Variants in SYN3 observed in about 807,000 individuals in gnomAD.
SYN3 encodes synapsin-3.
SYN3 carries 35 observed loss-of-function variants against 65.8 expected under a neutral mutation model. That is an observed-to-expected ratio of 0.53 (90% CI 0.41 to 0.70). The LOEUF is 0.70. Among genes scored for constraint, SYN3 ranks in the 30% least tolerant of loss-of-function variants. The pLI is 0.00. For missense variants in SYN3, 680 were observed against 749.0 expected, an observed-to-expected ratio of 0.91 and a Z score of 1.08; for synonymous variants, 270 against 292.9, an observed-to-expected ratio of 0.92 and a Z score of 0.80.
intron 6 of SYN3, among the ~76,000 whole-genome samples, chr22:32,840,242 T>G (rs2047855264): frequency 6.6e-6 from 1 of 152,202 alleles, no homozygotes; most frequent in Non-Finnish European, 1.5e-5. Flanking sequence ...CAAAAAAACC[T>G]GCTTAAATAA....
chr22:32,598,928 T>C (rs1486762391), intron 6 of SYN3, among the ~76,000 whole-genome samples: 4 of 152,120 alleles, frequency 2.6e-5, no homozygotes, highest in African/African-American at 9.7e-5. Flanking sequence ...CTTTGCAAAA[T>C]ATGATAAGAT....
At chr22:32,599,556 C>CAG (rs2059251863) in intron 6 of SYN3, among the ~76,000 whole-genome samples, 1 of 151,896 alleles carries the variant, frequency 6.6e-6, no homozygotes, top group African/African-American at 2.4e-5. Context: ...CTCCTGACCT[C>CAG]GTGATCCGCC....
intron 4 of SYN3, among the ~76,000 whole-genome samples, chr22:32,923,184 G>A (rs2050379742): frequency 6.6e-6 from 1 of 152,172 alleles, no homozygotes; most frequent in African/African-American, 2.4e-5. Context: ...GTGGCTGCTG[G>A]CATCAGTCTT....
chr22:32,958,928 C>CATTG (rs2051552763), intron 3 of SYN3, among the ~76,000 whole-genome samples: 3 of 152,124 alleles, frequency 2.0e-5, no homozygotes, highest in Admixed American at 1.3e-4. Context: ...CACAGTGGCT[C>CATTG]ACCCCTATAA....
chr22:32,923,913 C>T (rs911648145), intron 4 of SYN3, among the ~76,000 whole-genome samples: 2 of 152,158 alleles, frequency 1.3e-5, no homozygotes, highest in African/African-American at 4.8e-5. Context: ...CATCATTTAG[C>T]TCCCACTTAT....
At chr22:32,707,765 C>T (rs1048940807) in intron 6 of SYN3, among the ~76,000 whole-genome samples, 1 of 152,150 alleles carries the variant, frequency 6.6e-6, no homozygotes, top group Admixed American at 6.5e-5. Context: ...CTAGACAATG[C>T]CTTAAGCCCT....
chr22:32,561,744 G>C (rs540586386), intron 7 of SYN3, among the ~76,000 whole-genome samples: 1 of 152,136 alleles, frequency 6.6e-6, no homozygotes, highest in African/African-American at 2.4e-5. Flanking sequence ...TGTTTCCCAC[G>C]AAGAGCATGG....
intron 1 of SYN3, among the ~76,000 whole-genome samples, chr22:33,037,013 T>C (rs567764244): frequency 1.3e-4 from 20 of 152,284 alleles, no homozygotes; most frequent in Non-Finnish European, 8.8e-5. Flanking sequence ...CAATCACCCC[T>C]TTGAGTTACT....
rs187648205 is a variant in SYN3, at chr22:32,573,894, C to T, written c.774+22780G>A. Among the ~76,000 whole-genome samples, 505 of 150,750 alleles carry T rather than the reference C, an allele frequency of 3.3e-3. 1 individual carries two copies. Among genetic ancestry groups the T allele is most frequent in the African/African-American group, 0.012 (484 of 41,018 alleles). On this transcript the variant is annotated intron_variant, in intron 7 of 13. Coordinates refer to ENST00000358763, the MANE Select transcript of SYN3 (RefSeq NM_003490.4). ...AAGTGATTCTCCTGCCTCAGCCTCCCGAGTAGCTGGGATTACGGGTGCCCG... is the reference window on the plus strand; with the variant it reads ...AAGTGATTCTCCTGCCTCAGCCTCCTGAGTAGCTGGGATTACGGGTGCCCG...
chr22:32,823,800 G>T (rs1316228820), intron 6 of SYN3, among the ~76,000 whole-genome samples: 2 of 152,074 alleles, frequency 1.3e-5, no homozygotes, highest in Non-Finnish European at 2.9e-5. Context: ...CATCCATGTG[G>T]TCTCAGGCAA....
intron 3 of SYN3, among the ~76,000 whole-genome samples, chr22:32,941,096 ACTTAT>A (rs1212808514): frequency 6.6e-6 from 1 of 152,082 alleles, no homozygotes; most frequent in Non-Finnish European, 1.5e-5. Context: ...CGAAACCCTC[ACTTAT>A]CTTAAAGGTT....
At chr22:32,689,449 A>T (rs2060634473) in intron 6 of SYN3, among the ~76,000 whole-genome samples, 1 of 152,204 alleles carries the variant, frequency 6.6e-6, no homozygotes, top group Admixed American at 6.5e-5. Context: ...GAAGCCATTT[A>T]TTCTGCCCAG....
At chr22:32,603,356 C>CAA (rs10670581) in intron 6 of SYN3, among the ~76,000 whole-genome samples, 3,417 of 125,930 alleles carry the variant, frequency 0.027, 175 homozygotes, top group African/African-American at 0.092. Flanking sequence ...ACTAAAAATA[C>CAA]AAAAAAAAAA....
At chr22:32,802,116 G>C in intron 6 of SYN3, 1 of 1,582,460 alleles carries the variant, frequency 6.3e-7, no homozygotes, top group Non-Finnish European at 8.5e-7. Flanking sequence ...CTGCAACTCC[G>C]ACATCGGTAA....
At chr22:32,990,387 CCCATCCATCCATCCATCCAGCCATCCAT>C (rs2052672488) in intron 2 of SYN3, among the ~76,000 whole-genome samples, 1 of 137,824 alleles carries the variant, frequency 7.3e-6, no homozygotes, top group African/African-American at 2.8e-5. Flanking sequence ...CATCCATCCA[CCCATCCATCCATCCATCCAGCCATCCAT>C]CCATCCATCC....
At chr22:32,815,435 T>C (rs2047061973) in intron 6 of SYN3, among the ~76,000 whole-genome samples, 1 of 152,196 alleles carries the variant, frequency 6.6e-6, no homozygotes, top group South Asian at 2.1e-4. Context: ...TTTGATAATA[T>C]TTTAACATTT....
chr22:33,023,551 C>CA (rs987828488), intron 1 of SYN3, among the ~76,000 whole-genome samples: 1 of 152,046 alleles, frequency 6.6e-6, no homozygotes, highest in South Asian at 2.1e-4. Context: ...ACAGTCTCCA[C>CA]AAAAAAATCA....
intron 2 of SYN3, among the ~76,000 whole-genome samples, chr22:32,989,793 C>T (rs2145706185): frequency 6.9e-6 from 1 of 144,674 alleles, no homozygotes; most frequent in African/African-American, 2.5e-5. Context: ...CAAGATCAAG[C>T]CACTGCACTC....
intron 6 of SYN3, among the ~76,000 whole-genome samples, chr22:32,699,070 G>A (rs951653155): frequency 4.6e-5 from 7 of 152,332 alleles, no homozygotes; most frequent in Admixed American, 3.9e-4. Context: ...CTTGGCGCTA[G>A]ACGCTCTGAA....
Sources: allele counts gnomAD v4.1 joint callset (sites outside exome capture counted in the v4.1 genomes callset), GRCh38; gene constraint gnomAD v4.1.1; transcripts MANE v1.5; gene names NCBI Gene and HGNC (gene_info 2026-07-23, HGNC 2026-07-21).